The following DDHD1 variants were observed in gnomAD, a reference collection of about 807,000 sequenced individuals.
DDHD1 encodes DDHD domain containing 1.
DDHD1 carries 49 observed loss-of-function variants against 96.4 expected under a neutral mutation model. The observed-to-expected ratio is 0.51, with a 90% CI of 0.40 to 0.64. The LOEUF is 0.64. Ranked by LOEUF, DDHD1 falls within the 30% of genes least tolerant of loss-of-function variation. DDHD1 has a pLI of 0.00. For synonymous variants in DDHD1, 442 were observed against 446.5 expected, an observed-to-expected ratio of 0.99 and a Z score of 0.13; for missense variants, 1,106 against 1,161.2, an observed-to-expected ratio of 0.95 and a Z score of 0.69.
intron 1 of DDHD1, among the ~76,000 whole-genome samples, chr14:53,124,906 G>A (rs549408500): frequency 6.0e-4 from 91 of 152,216 alleles, no homozygotes; most frequent in African/African-American, 2.0e-3. Flanking sequence ...TTTGATCTAA[G>A]GCCTCTCTCC....
In DDHD1 at chr14:53,077,108, GTTGT is replaced by G. The variant is rs371207212; in HGVS notation, c.1290-3265_1290-3262del. Among the ~76,000 whole-genome samples the G allele has an allele frequency of 3.1e-3, 475 of 152,250 alleles. 2 individuals are homozygous for G. The highest frequency in any genetic ancestry group is 0.011 in the African/African-American group (451 of 41,542). The stretch of plus-strand genomic sequence containing the variant: ...TTTTCATTCACTGCATCCCTATGGT[GTTGT>G]TTAACATGTTCTTTGTCCCGTTTCC... On this transcript the variant is annotated intron_variant, in intron 4 of 12. Coordinates refer to ENST00000673822, the MANE Select transcript of DDHD1 (RefSeq NM_001160148.2).
At chr14:53,057,136 G>T (rs531414409) in intron 9 of DDHD1, among the ~76,000 whole-genome samples, 87 of 152,268 alleles carry the variant, frequency 5.7e-4, no homozygotes, top group African/African-American at 2.0e-3. Flanking sequence ...TATGGCAGTT[G>T]TAAGTCTTTA....
At chr14:53,149,824 T>C (rs1476910425) in intron 1 of DDHD1, 1 of 152,242 alleles carries the variant, frequency 6.6e-6, no homozygotes, top group East Asian at 1.9e-4. Flanking sequence ...AGTTTTCACC[T>C]GATTTATGAC....
chr14:53,143,742 G>A (rs1890799857), intron 1 of DDHD1, among the ~76,000 whole-genome samples: 4 of 152,110 alleles, frequency 2.6e-5, no homozygotes, highest in African/African-American at 9.7e-5. Flanking sequence ...AGCATGCGAG[G>A]GCAAATATTT....
chr14:53,072,073 G>A (rs1250090521), intron 6 of DDHD1, among the ~76,000 whole-genome samples: 1 of 152,054 alleles, frequency 6.6e-6, no homozygotes, highest in South Asian at 2.1e-4. Flanking sequence ...ATTAACAAAT[G>A]TTAGTTATTC....
chr14:53,106,388 G>A (rs906405897), intron 1 of DDHD1, among the ~76,000 whole-genome samples: 5 of 152,172 alleles, frequency 3.3e-5, no homozygotes, highest in Non-Finnish European at 7.4e-5. Context: ...GCCAGGTGCA[G>A]TGACTCATGC....
chr14:53,136,432 G>A (rs143081289), intron 1 of DDHD1, among the ~76,000 whole-genome samples: 173 of 152,280 alleles, frequency 1.1e-3, no homozygotes, highest in African/African-American at 3.5e-3. Context: ...GTTCAGGAAC[G>A]CCAAGACCTA....
chr14:53,129,193 G>C (rs750028691), intron 1 of DDHD1, among the ~76,000 whole-genome samples: 6 of 152,140 alleles, frequency 3.9e-5, no homozygotes, highest in Non-Finnish European at 8.8e-5. Context: ...CGAAGACCCG[G>C]GACAGGGGGA....
At chr14:53,137,766 T>C (rs923338608) in intron 1 of DDHD1, among the ~76,000 whole-genome samples, 2 of 152,098 alleles carry the variant, frequency 1.3e-5, no homozygotes, top group Non-Finnish European at 2.9e-5. Context: ...TAGCCAAATT[T>C]GATGAAAGTG....
In DDHD1 at chr14:53,039,914, T is replaced by C. The variant is rs1209015265; in HGVS notation, c.*6854A>G. ...TCTTTCCTTTCACACATTTACCTTT[T>C]CTTTCCCCTCACAGTCCATACGTAC... On this transcript the variant is annotated 3_prime_UTR_variant, in exon 13 of 13. Transcript: ENST00000673822. 6.6e-6 allele frequency: 1 copy of C among 152,338 alleles called. No individual in the cohort carries two copies. The highest frequency in any genetic ancestry group is 1.5e-5 in the Non-Finnish European group (1 of 68,152). 9.4% of individuals were successfully genotyped at this position (152,338 alleles called of 1,614,324 possible). A position where few individuals can be genotyped will look rare whatever the true frequency, so the allele number is the denominator to read the frequency against.
chr14:53,143,055 T>C (rs1890746314), intron 1 of DDHD1, among the ~76,000 whole-genome samples: 1 of 152,252 alleles, frequency 6.6e-6, no homozygotes, highest in African/African-American at 2.4e-5. Context: ...TTAAGATCTT[T>C]AAATATTTTA....
intron 1 of DDHD1, among the ~76,000 whole-genome samples, chr14:53,134,023 C>G (rs1259164810): frequency 6.6e-6 from 1 of 152,208 alleles, no homozygotes; most frequent in Admixed American, 6.5e-5. Flanking sequence ...CCCTACTTCC[C>G]TTAAACTCAC....
chr14:53,058,557 T>C lies in DDHD1; in HGVS notation c.1912A>G (p.Asn638Asp). The change falls in exon 9 of 13, where the codon AAT becomes GAT. Residue 638 changes from asparagine to aspartate, a missense_variant. By Grantham distance (23) the Asn-to-Asp change is conservative. Coordinates refer to ENST00000673822, the MANE Select transcript of DDHD1 (RefSeq NM_001160148.2). ...AAAATATGGTCTTGACTTCCAGTAT[T>C]TCCTGGGCGGATGCCACGCAACGCC... is the stretch of plus-strand genomic sequence containing the variant. ...FLALRGIRPG[N>D]TGSQDHILPR... The C allele has an allele frequency of 6.2e-7, 1 of 1,613,778 alleles. No individual in the cohort carries two copies. The highest frequency in any genetic ancestry group is 1.1e-5 in the South Asian group (1 of 90,920).
At chr14:53,089,478 T>A (rs545564749) in intron 4 of DDHD1, among the ~76,000 whole-genome samples, 1 of 152,098 alleles carries the variant, frequency 6.6e-6, no homozygotes. Context: ...TATACACCAA[T>A]GGAACAGAAC....
At position 53,046,207 on chromosome 14, in the gene DDHD1, C is replaced by A. The variant is rs1301779010; in HGVS notation, c.*561G>T. 6.6e-6 allele frequency: 1 copy of A among 152,040 alleles called. No individual in the cohort carries two copies. Among genetic ancestry groups the A allele is most frequent in the Non-Finnish European group, 1.5e-5 (1 of 68,006 alleles). The allele number at this position is 152,040 out of a possible 1,614,324, so 9.4% of individuals were successfully genotyped here. On this transcript the variant is annotated 3_prime_UTR_variant, in exon 13 of 13. Transcript: ENST00000673822. ...TAATGTCTCATACACTGAAATAAAG[C>A]AATTAGAGGTAATAAATTATAAATA...
chr14:53,072,788 G>T (rs1884631144), intron 5 of DDHD1, 85 bp from the exon 6 acceptor site: 2 of 737,178 alleles, frequency 2.7e-6, no homozygotes, highest in African/African-American at 1.8e-5. Flanking sequence ...TACGTTGCCT[G>T]AAATAGTAAC....
At chr14:53,066,903 G>C (rs189675433) in intron 6 of DDHD1, among the ~76,000 whole-genome samples, 1 of 149,814 alleles carries the variant, frequency 6.7e-6, no homozygotes, top group African/African-American at 2.5e-5. Context: ...GAAGACAGAG[G>C]CTGCAGTGAG....
At chr14:53,131,638 C>T (rs1222792366) in intron 1 of DDHD1, among the ~76,000 whole-genome samples, 3 of 152,154 alleles carry the variant, frequency 2.0e-5, no homozygotes, top group African/African-American at 7.2e-5. Context: ...AGCAACTTAC[C>T]TGAGCTGTAC....
rs1026262301 is a variant in DDHD1 at position 53,106,060 on chromosome 14, T to C, written c.839-2204A>G. Among the ~76,000 whole-genome samples the C allele has an allele frequency of 3.9e-5, 6 of 152,220 alleles. No individual in the cohort carries two copies. The East Asian group carries it at 7.7e-4, about 20-fold the overall frequency. On this transcript the variant is annotated intron_variant, in intron 1 of 12. Transcript: ENST00000673822. ...ACCTTTTATTATCTGGTCAATCCAT[T>C]TAAAAGGTATTGTATGACTCTCACT...
Sources: gnomAD v4.1 joint callset for allele counts (sites outside exome capture counted in the v4.1 genomes callset) on GRCh38, gnomAD v4.1.1 for gene constraint, MANE v1.5 for transcripts, NCBI Gene and HGNC (gene_info 2026-07-23, HGNC 2026-07-21) for gene names.